The following RABGAP1 variants were observed in gnomAD, a reference collection of about 807,000 sequenced individuals.
The protein encoded by RABGAP1 is rab GTPase-activating protein 1.
Under a neutral mutation model 137.6 loss-of-function variants are expected in RABGAP1, and 23 were observed. The ratio of observed to expected loss-of-function variants is 0.17; its 90% CI spans 0.12 to 0.24. The LOEUF (loss-of-function observed/expected upper bound fraction) is 0.24. Ranked by LOEUF, RABGAP1 falls within the 10% of genes least tolerant of loss-of-function variation. RABGAP1 has a pLI of 1.00. For missense variants in RABGAP1, 906 were observed against 1,275.8 expected (o/e 0.71, Z 4.42); for synonymous variants, 451 against 450.7 (o/e 1.00, Z -0.01).
intron 1 of RABGAP1, among the ~76,000 whole-genome samples, chr9:122,944,617 C>CTGGA (rs2131580330): frequency 6.6e-6 from 1 of 152,212 alleles, no homozygotes; most frequent in South Asian, 2.1e-4. Context: ...TCCTCCCAGG[C>CTGGA]TGGAGTGCAG....
intron 13 of RABGAP1, among the ~76,000 whole-genome samples, chr9:123,050,842 TG>T (rs1315514111): frequency 6.6e-6 from 1 of 152,168 alleles, no homozygotes. Flanking sequence ...GGGAAAAATA[TG>T]TATAATTTTT....
At chr9:123,029,781 A>C in intron 13 of RABGAP1, 1 of 547,176 alleles carries the variant, frequency 1.8e-6, no homozygotes, top group South Asian at 1.6e-5. Flanking sequence ...AGTGGCGAAC[A>C]CTGCAGCCTT....
At chr9:122,987,929 A>G (rs7852682) in intron 4 of RABGAP1, among the ~76,000 whole-genome samples, 16,579 of 152,176 alleles carry the variant, frequency 0.11, 2,914 homozygotes, top group African/African-American at 0.37. Context: ...TCCATTTCTC[A>G]GTATCCTCAG....
At chr9:123,009,790 C>G (rs2030634974) in intron 10 of RABGAP1, among the ~76,000 whole-genome samples, 1 of 146,970 alleles carries the variant, frequency 6.8e-6, no homozygotes, top group East Asian at 1.9e-4. Flanking sequence ...TCACCTCCCC[C>G]TGACCCCACC....
upstream of RABGAP1, chr9:122,940,955 GC>G (rs1296158568): frequency 4.6e-5 from 7 of 151,642 alleles, no homozygotes; most frequent in East Asian, 9.8e-4. Context: ...GGGGCAGGGG[GC>G]GGGGCGGAGG....
At chr9:123,053,775 A>C (rs922095504) in intron 13 of RABGAP1, among the ~76,000 whole-genome samples, 1 of 152,224 alleles carries the variant, frequency 6.6e-6, no homozygotes, top group Non-Finnish European at 1.5e-5. Flanking sequence ...TCTGGAAATA[A>C]TAATTTTCCC....
chr9:123,098,618 TCAG>T (rs1287033156), intron 22 of RABGAP1, 94 bp from the exon 23 acceptor site: 6 of 955,762 alleles, frequency 6.3e-6, no homozygotes, highest in Admixed American at 2.6e-5. Flanking sequence ...AGGGTTTGGT[TCAG>T]CAGTTTTTGG....
intron 2 of RABGAP1, among the ~76,000 whole-genome samples, chr9:122,962,562 A>C (rs1834906855): frequency 6.6e-6 from 1 of 152,146 alleles, no homozygotes; most frequent in Admixed American, 6.6e-5. Flanking sequence ...AAGTTCCTAG[A>C]GGAACTAACA....
chr9:122,957,243 GCTTTT>G, intron 2 of RABGAP1, 34 bp downstream of exon 2: 1 of 1,458,442 alleles, frequency 6.9e-7, no homozygotes. Flanking sequence ...GTTTTGCTTA[GCTTTT>G]CTAAGCCCAT....
At chr9:123,100,382 GATGTGTGTGT>G (rs2035306048) in intron 24 of RABGAP1, among the ~76,000 whole-genome samples, 3 of 130,278 alleles carry the variant, frequency 2.3e-5, no homozygotes, top group African/African-American at 6.0e-5. Context: ...TGTTTAACCA[GATGTGTGTGT>G]GTGTGTGTGT....
chr9:123,089,661 T>C, intron 19 of RABGAP1, 97 bp from the exon 20 acceptor site: 3 of 895,272 alleles, frequency 3.4e-6, no homozygotes, highest in Non-Finnish European at 5.2e-6. Context: ...ATGACTGAGA[T>C]TGCCCAGGCC....
At chr9:122,947,134 G>A (rs1013509928) in intron 1 of RABGAP1, among the ~76,000 whole-genome samples, 4 of 152,078 alleles carry the variant, frequency 2.6e-5, no homozygotes, top group African/African-American at 9.7e-5. Context: ...GATAAATGTG[G>A]CATACATACA....
chr9:123,030,109 A>C (rs1000907635), intron 13 of RABGAP1, among the ~76,000 whole-genome samples: 1 of 152,220 alleles, frequency 6.6e-6, no homozygotes, highest in Admixed American at 6.6e-5. Flanking sequence ...TGCAGGTCAG[A>C]AAGTATTTAG....
chr9:123,091,399 G>T (rs988878536), intron 21 of RABGAP1, among the ~76,000 whole-genome samples: 4 of 152,144 alleles, frequency 2.6e-5, no homozygotes, highest in Admixed American at 2.0e-4. Flanking sequence ...CTTTCATTTA[G>T]TTCTCCTAGG....
chr9:122,984,647 A>G lies in RABGAP1; in HGVS notation c.313A>G (p.Thr105Ala). The change falls in exon 3 of 26, where the codon ACC becomes GCC. Residue 105 changes from threonine to alanine, a missense_variant. Thr to Ala is a moderately conservative substitution (Grantham distance 58). Coordinates refer to ENST00000373647, the MANE Select transcript of RABGAP1 (RefSeq NM_012197.4). ...PLSNQLSASS[T>A]INPVPLVGLQ... ...TTCTAATCAGCTCTCCGCTTCATCC[A>G]CCATTAACCCTGTGCCATTAGTAGG... 1 of 1,614,194 alleles carries G rather than the reference A, an allele frequency of 6.2e-7. No homozygotes were observed. The highest frequency in any genetic ancestry group is 8.5e-7 in the Non-Finnish European group (1 of 1,180,030).
At chr9:123,058,333 A>G (rs1367245576) in intron 13 of RABGAP1, among the ~76,000 whole-genome samples, 1 of 151,770 alleles carries the variant, frequency 6.6e-6, no homozygotes, top group East Asian at 1.9e-4. Context: ...TAGCAAAAAA[A>G]AATTTTTCTA....
At chr9:123,014,048 T>C (rs1274997253) in intron 11 of RABGAP1, among the ~76,000 whole-genome samples, 1 of 152,198 alleles carries the variant, frequency 6.6e-6, no homozygotes, top group Non-Finnish European at 1.5e-5. Context: ...GCATTCTTTT[T>C]AAAACTGAGA....
intron 13 of RABGAP1, among the ~76,000 whole-genome samples, chr9:123,048,566 AAGAG>A (rs1167505194): frequency 6.6e-6 from 1 of 152,248 alleles, no homozygotes; most frequent in Non-Finnish European, 1.5e-5. Context: ...AAGCTGTACT[AAGAG>A]AGCATTTGAT....
chr9:123,009,823 A>G (rs1245893980), intron 10 of RABGAP1, among the ~76,000 whole-genome samples: 1 of 152,144 alleles, frequency 6.6e-6, no homozygotes, highest in African/African-American at 2.4e-5. Flanking sequence ...TGTAGCTTTC[A>G]GTTGAAGAAA....
Sources: gnomAD v4.1 joint callset for allele counts (sites outside exome capture counted in the v4.1 genomes callset) on GRCh38, gnomAD v4.1.1 for gene constraint, MANE v1.5 for transcripts, NCBI Gene and HGNC (gene_info 2026-07-23, HGNC 2026-07-21) for gene names.